PLPPR1: variants seen among roughly 807,000 people sequenced by gnomAD.
PLPPR1 encodes the protein phospholipid phosphatase related 1, also known as phospholipid phosphatase-related protein type 1.
Under a neutral mutation model 33.1 loss-of-function variants are expected in PLPPR1, and 10 were observed. The observed-to-expected ratio is 0.30, with a 90% CI of 0.19 to 0.51. The LOEUF is 0.51. Among genes scored for constraint, PLPPR1 ranks in the 20% least tolerant of loss-of-function variants. The probability of loss-of-function intolerance (pLI) is 0.97; values close to 1 mark genes in which losing one functional copy is unlikely to be tolerated. For missense variants in PLPPR1, 304 were observed against 408.1 expected (o/e 0.74, Z 2.20); for synonymous variants, 151 against 151.0 (o/e 1.00, Z 0.00).
intron 1 of PLPPR1, among the ~76,000 whole-genome samples, chr9:101,178,855 A>T (rs1826057384): frequency 6.6e-6 from 1 of 152,032 alleles, no homozygotes; most frequent in South Asian, 2.1e-4. Context: ...ACTCACCATC[A>T]CCCCTAGTGA....
At chr9:101,167,562 T>C (rs1258591135) in intron 1 of PLPPR1, among the ~76,000 whole-genome samples, 1 of 152,030 alleles carries the variant, frequency 6.6e-6, no homozygotes, top group African/African-American at 2.4e-5. Flanking sequence ...CCTCATCTCT[T>C]GAGTCATTAG....
intron 2 of PLPPR1, among the ~76,000 whole-genome samples, chr9:101,209,575 G>A (rs1826652365): frequency 6.6e-6 from 1 of 152,090 alleles, no homozygotes; most frequent in African/African-American, 2.4e-5. Context: ...TAGAAAGATA[G>A]GATCTACCAA....
At chr9:101,080,526 T>C (rs1830603977) in intron 1 of PLPPR1, among the ~76,000 whole-genome samples, 1 of 151,796 alleles carries the variant, frequency 6.6e-6, no homozygotes. Context: ...AAAAATAAAA[T>C]AAAAATAAAC....
At chr9:101,319,017 T>C (rs1829105859) in intron 7 of PLPPR1, among the ~76,000 whole-genome samples, 2 of 152,204 alleles carry the variant, frequency 1.3e-5, no homozygotes, top group Non-Finnish European at 2.9e-5. Flanking sequence ...CATTTGGCAT[T>C]TTCCTACTCA....
chr9:101,071,177 C>G (rs10989371), intron 1 of PLPPR1, among the ~76,000 whole-genome samples: 5,095 of 152,102 alleles, frequency 0.033, 151 homozygotes, highest in East Asian at 0.08. Context: ...AAGAAGATAG[C>G]ATGCATTTGA....
Position 101,063,981 on chromosome 9 carries a change from T to C in PLPPR1, c.-46+34879T>C, listed in dbSNP as rs142396396. ...ACAGTGCTTGACATATAGTAGATGC[T>C]TAACAAATATTTTCTAAATTAAAGC... is the stretch of plus-strand genomic sequence containing the variant. On this transcript the variant is annotated intron_variant, in intron 1 of 7. Transcript: ENST00000374874. Among the ~76,000 whole-genome samples the C allele has an allele frequency of 5.4e-4, 82 of 152,250 alleles. No individual in the cohort carries two copies. In the East Asian group the frequency reaches 0.015, roughly 29 times the overall value.
chr9:101,139,949 C>T (rs985838594), intron 1 of PLPPR1, among the ~76,000 whole-genome samples: 1 of 152,166 alleles, frequency 6.6e-6, no homozygotes, highest in African/African-American at 2.4e-5. Context: ...TGATCTGAAA[C>T]AGCTGGAGAG....
intron 1 of PLPPR1, among the ~76,000 whole-genome samples, chr9:101,076,011 G>A (rs1437043397): frequency 6.6e-6 from 1 of 152,144 alleles, no homozygotes; most frequent in Non-Finnish European, 1.5e-5. Context: ...GGGGCACGCG[G>A]GAGAGTGTCA....
At chr9:101,033,517 A>G (rs1364576117) in intron 1 of PLPPR1, among the ~76,000 whole-genome samples, 1 of 152,212 alleles carries the variant, frequency 6.6e-6, no homozygotes, top group East Asian at 1.9e-4. Flanking sequence ...GCCAAAGACT[A>G]AATTTCAGCA....
intron 2 of PLPPR1, among the ~76,000 whole-genome samples, chr9:101,190,262 T>C (rs59441699): frequency 0.013 from 1,992 of 152,326 alleles, 38 homozygotes; most frequent in African/African-American, 0.041. Context: ...TGGAATGTTT[T>C]CATGCCATTT....
chr9:101,275,864 A>G lies in PLPPR1; in HGVS notation c.252+5796A>G, dbSNP rs569142508. On this transcript the variant is annotated intron_variant, in intron 3 of 7. Coordinates refer to ENST00000374874, the MANE Select transcript of PLPPR1 (RefSeq NM_207299.2). Reference sequence around the variant, plus strand: ...ACATTTTGTATGCAAGTGTGCGCGCATGCATTACAAGACTCATCTAGAATT... The same window carrying G: ...ACATTTTGTATGCAAGTGTGCGCGCGTGCATTACAAGACTCATCTAGAATT... 6.6e-5 allele frequency among the ~76,000 whole-genome samples: 10 copies of G among 152,318 alleles called. No individual in the cohort carries two copies. In the South Asian group the frequency reaches 1.7e-3, roughly 25 times the overall value.
At chr9:101,207,751 A>G (rs1236775080) in intron 2 of PLPPR1, among the ~76,000 whole-genome samples, 1 of 152,218 alleles carries the variant, frequency 6.6e-6, no homozygotes, top group Middle Eastern at 3.2e-3. Flanking sequence ...AATTAGAGGA[A>G]GAAGAATTCT....
At chr9:101,114,968 T>A (rs1186274646) in intron 1 of PLPPR1, among the ~76,000 whole-genome samples, 1 of 152,194 alleles carries the variant, frequency 6.6e-6, no homozygotes, top group African/African-American at 2.4e-5. Flanking sequence ...CTCCTTTTTA[T>A]TTTGTTATCT....
At chr9:101,173,442 G>A (rs1825972310) in intron 1 of PLPPR1, among the ~76,000 whole-genome samples, 3 of 151,982 alleles carry the variant, frequency 2.0e-5, no homozygotes, top group Non-Finnish European at 4.4e-5. Flanking sequence ...CTAGCAATTG[G>A]CCCTATAGTA....
chr9:101,073,164 A>T (rs1830500380), intron 1 of PLPPR1, among the ~76,000 whole-genome samples: 1 of 152,158 alleles, frequency 6.6e-6, no homozygotes, highest in Non-Finnish European at 1.5e-5. Flanking sequence ...TAGCATGGTG[A>T]TACTTTAAAA....
chr9:101,146,410 A>C (rs1021165977), intron 1 of PLPPR1, among the ~76,000 whole-genome samples: 1 of 152,212 alleles, frequency 6.6e-6, no homozygotes, highest in Non-Finnish European at 1.5e-5. Context: ...CATGTAGTGG[A>C]AAGTATAGGT....
intron 1 of PLPPR1, among the ~76,000 whole-genome samples, chr9:101,064,758 T>C (rs1468418688): frequency 2.0e-5 from 3 of 151,974 alleles, no homozygotes; most frequent in Non-Finnish European, 4.4e-5. Context: ...GGTCTAAGAT[T>C]GAGGGAGCGC....
intron 4 of PLPPR1, among the ~76,000 whole-genome samples, chr9:101,294,181 C>A (rs1470009427): frequency 1.3e-5 from 2 of 151,984 alleles, no homozygotes; most frequent in Non-Finnish European, 2.9e-5. Flanking sequence ...CACCTCTATG[C>A]AAATAAACTA....
At chr9:101,041,624 G>A (rs1264508491) in intron 1 of PLPPR1, among the ~76,000 whole-genome samples, 1 of 152,122 alleles carries the variant, frequency 6.6e-6, no homozygotes, top group Non-Finnish European at 1.5e-5. Context: ...GTTTATTGTG[G>A]TCTGTGTGGT....
Sources: allele counts gnomAD v4.1 joint callset (sites outside exome capture counted in the v4.1 genomes callset), GRCh38; gene constraint gnomAD v4.1.1; transcripts MANE v1.5; gene names NCBI Gene and HGNC (gene_info 2026-07-23, HGNC 2026-07-21).